The following ABTB2 variants were observed in gnomAD, a reference collection of about 807,000 sequenced individuals.
ABTB2 encodes the protein ankyrin repeat and BTB domain containing 2, also known as ankyrin repeat and BTB/POZ domain-containing protein 2.
Under a neutral mutation model 104.1 loss-of-function variants are expected in ABTB2, and 56 were observed. The ratio of observed to expected loss-of-function variants is 0.54; its 90% CI spans 0.43 to 0.67. ABTB2 has a LOEUF of 0.67. Among genes scored for constraint, ABTB2 ranks in the 30% least tolerant of loss-of-function variants. ABTB2 has a pLI of 0.00. For synonymous variants in ABTB2, 606 were observed against 608.2 expected (o/e 1.00, Z 0.05); for missense variants, 1,279 against 1,407.7 (o/e 0.91, Z 1.46).
rs1450179254 is a variant in ABTB2 at position 34,356,607 on chromosome 11, C to G, written c.883+94G>C. On this transcript the variant is annotated intron_variant, in intron 1 of 16. Coordinates refer to ENST00000435224, the MANE Select transcript of ABTB2 (RefSeq NM_145804.3). This position sits in a 1 kb window ranked among gnomAD's most constrained non-coding sequence, Gnocchi z 4.6. ...GTTTTCTCCCAAAGAACTGGCACAG[C>G]CACCAGCTTTGTCTCAGGAAATTCA... 7.0e-7 allele frequency: 1 copy of G among 1,422,998 alleles called. No individual in the cohort carries two copies. Among genetic ancestry groups the G allele is most frequent in the African/African-American group, 1.4e-5 (1 of 69,216 alleles). The allele number at this position is 1,422,998 out of a possible 1,614,324, so 88.1% of individuals were successfully genotyped here.
intron 3 of ABTB2, among the ~76,000 whole-genome samples, chr11:34,195,075 C>CCGGGGG (rs1554982287): frequency 1.7e-4 from 3 of 18,076 alleles, no homozygotes; most frequent in Admixed American, 6.6e-4. Context: ...AGATGCCCGG[C>CCGGGGG]GGGGGGGGGG....
intron 1 of ABTB2, among the ~76,000 whole-genome samples, chr11:34,349,338 C>T (rs1430113260): frequency 2.0e-5 from 3 of 152,164 alleles, no homozygotes; most frequent in South Asian, 4.1e-4. Flanking sequence ...CTGCCCACTG[C>T]CAGACCACTT....
At chr11:34,335,399 T>G in intron 1 of ABTB2, 1 of 816,382 alleles carries the variant, frequency 1.2e-6, no homozygotes, top group Non-Finnish European at 2.2e-6. Flanking sequence ...TGATGAACTT[T>G]TCTAAGAGCA....
At position 34,252,538 on chromosome 11, in the gene ABTB2, C is replaced by A. The variant is rs1854069046; in HGVS notation, c.884-47848G>T. 6.6e-6 allele frequency among the ~76,000 whole-genome samples: 1 copy of A among 152,122 alleles called. No individual in the cohort carries two copies. Among genetic ancestry groups the A allele is most frequent in the Admixed American group, 6.5e-5 (1 of 15,286 alleles). On this transcript the variant is annotated intron_variant, in intron 1 of 16. Coordinates refer to ENST00000435224, the MANE Select transcript of ABTB2 (RefSeq NM_145804.3). The surrounding 1 kb of genome is among the most constrained non-coding windows in gnomAD (Gnocchi z 5.5). ...CTGTGCTAGGGCATCTCCTGTGCCA[C>A]TCCCCCAACCCTCCAACCTGCCTGA...
chr11:34,225,580 A>AC (rs1447943039), intron 1 of ABTB2, among the ~76,000 whole-genome samples: 1 of 151,830 alleles, frequency 6.6e-6, no homozygotes, highest in Non-Finnish European at 1.5e-5. Context: ...ACATGGAGAA[A>AC]CCCCGTCTCT....
chr11:34,169,367 C>T (rs1372916581), intron 5 of ABTB2, among the ~76,000 whole-genome samples: 1 of 152,118 alleles, frequency 6.6e-6, no homozygotes, highest in Non-Finnish European at 1.5e-5. Flanking sequence ...ATCATATTGG[C>T]AATAAAAACC....
chr11:34,189,996 T>C (rs1049296848), intron 3 of ABTB2, among the ~76,000 whole-genome samples: 7 of 152,194 alleles, frequency 4.6e-5, no homozygotes, highest in African/African-American at 1.7e-4. Context: ...TCTCAGCACT[T>C]TGGGAGGCCT....
At chr11:34,193,124 C>T (rs1853202211) in intron 3 of ABTB2, among the ~76,000 whole-genome samples, 2 of 152,324 alleles carry the variant, frequency 1.3e-5, no homozygotes, top group South Asian at 2.1e-4. Context: ...CCTTTCTCCT[C>T]CAGACCTCAG....
In ABTB2 at chr11:34,164,779, T is replaced by C. The variant is rs1459326004; in HGVS notation, c.1895A>G (p.Asp632Gly). ...LVSLLLSRGA[D>G]PLLSMLEAHG... ...GGCCTCCAGCATGCTGAGGAGGGGGTCGGCGCCTCGGCTCAGCAACAAACT... is the reference window on the plus strand; with the variant it reads ...GGCCTCCAGCATGCTGAGGAGGGGGCCGGCGCCTCGGCTCAGCAACAAACT... The change falls in exon 9 of 17, where the codon GAC becomes GGC. Residue 632 changes from aspartate (D) to glycine (G), a missense_variant. Transcript: ENST00000435224. 1 of 1,568,392 alleles carries C rather than the reference T, an allele frequency of 6.4e-7. No homozygotes were observed. The highest frequency in any genetic ancestry group is 2.0e-5 in the Admixed American group (1 of 49,108).
intron 1 of ABTB2, among the ~76,000 whole-genome samples, chr11:34,215,279 C>T (rs970319369): frequency 2.0e-5 from 3 of 152,148 alleles, no homozygotes; most frequent in East Asian, 3.9e-4. Flanking sequence ...CTGCCAGGGA[C>T]AGAAAGAGGG....
intron 3 of ABTB2, among the ~76,000 whole-genome samples, chr11:34,174,638 A>G (rs1852937835): frequency 6.6e-6 from 1 of 152,240 alleles, no homozygotes; most frequent in Non-Finnish European, 1.5e-5. Context: ...AGCTCTGGCA[A>G]GGCTCCGTGT....
intron 4 of ABTB2, among the ~76,000 whole-genome samples, chr11:34,172,418 A>ATATATATATATATGTG (rs55819950): frequency 3.6e-5 from 3 of 84,230 alleles, no homozygotes; most frequent in African/African-American, 4.7e-5. Flanking sequence ...ATATATATAT[A>ATATATATATATATGTG]TGTGTGTGTG....
intron 1 of ABTB2, among the ~76,000 whole-genome samples, chr11:34,207,545 A>C (rs903095063): frequency 2.0e-5 from 3 of 152,238 alleles, no homozygotes; most frequent in Non-Finnish European, 4.4e-5. Flanking sequence ...CAAGGGAGAC[A>C]GGACAGTCAT....
intron 1 of ABTB2, among the ~76,000 whole-genome samples, chr11:34,223,463 G>C (rs562231248): frequency 6.6e-6 from 1 of 152,176 alleles, no homozygotes; most frequent in Admixed American, 6.5e-5. Context: ...CATTTGCCCC[G>C]TAATCATCAT....
chr11:34,237,308 T>A (rs1381914486), intron 1 of ABTB2, among the ~76,000 whole-genome samples: 1 of 143,064 alleles, frequency 7.0e-6, no homozygotes, highest in African/African-American at 2.7e-5. Context: ...TTAGACCGAG[T>A]CTCGCTCTAT....
In ABTB2 at chr11:34,197,533, A is replaced by G; in HGVS notation, c.1036T>C (p.Leu346=). Residue 346 remains leucine, a synonymous_variant, in exon 3 of 17, where the codon TTG becomes CTG. Transcript: ENST00000435224. ...CVGSISELSD[L]VSRAMHHMQG... The stretch of plus-strand genomic sequence containing the variant: ...ATGTGGTGCATGGCACGGGAGACCA[A>G]GTCACCTGGTGGGGGGCGGGGAGGG... 1 of 1,575,546 alleles carries G rather than the reference A, an allele frequency of 6.3e-7. No individual in the cohort carries two copies. Among genetic ancestry groups the G allele is most frequent in the Non-Finnish European group, 8.6e-7 (1 of 1,167,322 alleles).
intron 1 of ABTB2, among the ~76,000 whole-genome samples, chr11:34,206,283 T>C (rs1853406657): frequency 6.6e-6 from 1 of 152,298 alleles, no homozygotes; most frequent in East Asian, 1.9e-4. Context: ...CTCGGGAGGC[T>C]GAGGCAGGAG....
At chr11:34,181,946 CT>C (rs1263083191) in intron 3 of ABTB2, among the ~76,000 whole-genome samples, 3 of 152,262 alleles carry the variant, frequency 2.0e-5, no homozygotes, top group Admixed American at 1.3e-4. Context: ...TCACATCCCC[CT>C]GGACTCACCC....
chr11:34,172,998 G>C (rs367844410), intron 4 of ABTB2, among the ~76,000 whole-genome samples, 157 bp downstream of exon 4: 1 of 152,230 alleles, frequency 6.6e-6, no homozygotes, highest in Non-Finnish European at 1.5e-5. Flanking sequence ...CCATACTCAG[G>C]CTTGGCCTTT....
Sources: gnomAD v4.1 joint callset for allele counts (sites outside exome capture counted in the v4.1 genomes callset) on GRCh38, gnomAD v4.1.1 for gene constraint, Gnocchi (gnomAD v3.1) non-coding constraint, MANE v1.5 for transcripts, NCBI Gene and HGNC (gene_info 2026-07-23, HGNC 2026-07-21) for gene names.